Variants in ABCA2 observed in about 807,000 individuals in gnomAD.
ABCA2 encodes ATP-binding cassette sub-family A member 2.
Under a neutral mutation model 262.8 loss-of-function variants are expected in ABCA2, and 84 were observed. The observed-to-expected ratio is 0.32, with a 90% CI of 0.27 to 0.38. The LOEUF (loss-of-function observed/expected upper bound fraction) is 0.38. Among genes scored for constraint, ABCA2 ranks in the 10% least tolerant of loss-of-function variants. ABCA2 has a pLI of 1.00. For synonymous variants in ABCA2, 1,696 were observed against 1,502.9 expected (o/e 1.13, Z -2.97); for missense variants, 2,662 against 3,405.9 (o/e 0.78, Z 5.44).
chr9:137,011,841 C>T lies in ABCA2; in HGVS notation c.5535+3G>A, dbSNP rs200870904. The T allele has an allele frequency of 7.7e-5, 121 of 1,581,156 alleles. No individual in the cohort carries two copies. In the African/African-American group the frequency reaches 1.4e-3, roughly 18 times the overall value. On this transcript the variant is annotated splice_donor_region_variant and intron_variant, in intron 35 of 48. Transcript: ENST00000341511. The surrounding 1 kb of genome is among the most constrained non-coding windows in gnomAD (Gnocchi z 8.8). ...GGGCACCCCATGGCCACGCCGGGCG[C>T]ACCATGTCCCACACGTAGTTCGCCA...
intron 46 of ABCA2, 32 bp from the exon 47 acceptor site, chr9:137,008,900 G>GCCCCCCCCCCCCCCCCCGCCCC (rs59031144): frequency 1.3e-6 from 2 of 1,535,816 alleles, no homozygotes; most frequent in Non-Finnish European, 8.8e-7. Context: ...GCCTGGCAGC[G>GCCCCCCCCCCCCCCCCCGCCCC]CCCCCCCACC....
chr9:137,010,584 C>A, intron 40 of ABCA2, 36 bp downstream of exon 40: 1 of 1,287,014 alleles, frequency 7.8e-7, no homozygotes, highest in Non-Finnish European at 1.1e-6. Context: ...CCTGGCCTAC[C>A]CCACCCAGGC....
At chr9:137,014,529 C>T (rs896874268) in intron 26 of ABCA2, 125 bp from the exon 27 acceptor site, 2 of 1,446,484 alleles carry the variant, frequency 1.4e-6, no homozygotes, top group Non-Finnish European at 1.9e-6. Context: ...CTCTGGCCAC[C>T]AGGACCACCC....
At position 137,020,503 on chromosome 9, in the gene ABCA2, AG is replaced by A; in HGVS notation, c.1266-9del. The A allele has an allele frequency of 6.3e-7, 1 of 1,580,182 alleles. No individual in the cohort carries two copies. The highest frequency in any genetic ancestry group is 8.6e-7 in the Non-Finnish European group (1 of 1,164,134). Reference sequence around the variant, plus strand: ...GCCTCGGGTTCAATGGTGCTGGGGTAGGGGACAGGGGGCCGGGCCAGGCCGT... The same window carrying A: ...GCCTCGGGTTCAATGGTGCTGGGGTAGGGACAGGGGGCCGGGCCAGGCCGT... On this transcript the variant is annotated splice_polypyrimidine_tract_variant and intron_variant, in intron 9 of 48. Transcript: ENST00000341511.
chr9:137,017,760 C>T (rs1831313124), intron 16 of ABCA2, 27 bp downstream of exon 16: 1 of 1,611,168 alleles, frequency 6.2e-7, no homozygotes, highest in African/African-American at 1.3e-5. Context: ...CAGCCCGCGC[C>T]TCCAGGGAGA....
intron 13 of ABCA2, 125 bp downstream of exon 13, chr9:137,018,594 T>A (rs1588520670): frequency 2.1e-6 from 1 of 478,992 alleles, no homozygotes; most frequent in East Asian, 5.8e-5. Flanking sequence ...GGAGGGGAAG[T>A]GGCGGGTGAG....
Position 137,012,534 on chromosome 9 carries a change from G to A in ABCA2, c.5138C>T (p.Thr1713Ile). The stretch of plus-strand genomic sequence containing the variant: ...CTTCCGCACCATGGGTGGGGCCCTG[G>A]TGCCAAATGAGGCTGGGATGGACTT... ...VLKSIPASFG[T>I]RAPPMVRKIA... Residue 1713 changes from threonine to isoleucine, a missense_variant, in exon 32 of 49, where the codon ACC (threonine) becomes ATC (isoleucine). Thr to Ile is a moderately conservative substitution (Grantham distance 89). This residue lies in a region of ABCA2 where 602 missense variants were observed against 897.4 expected (regional missense o/e 0.67). Coordinates refer to ENST00000341511, the MANE Select transcript of ABCA2 (RefSeq NM_001606.5). 1 of 1,612,092 alleles carries A rather than the reference G, an allele frequency of 6.2e-7. No homozygotes were observed. The highest frequency in any genetic ancestry group is 8.5e-7 in the Non-Finnish European group (1 of 1,179,906).
At position 137,012,848 on chromosome 9, in the gene ABCA2, C is replaced by T. The variant is rs763207288; in HGVS notation, c.4945G>A (p.Gly1649Ser). 2.5e-5 allele frequency: 40 copies of T among 1,608,344 alleles called. No homozygotes were observed. Among genetic ancestry groups the T allele is most frequent in the Admixed American group, 1.5e-4 (9 of 59,422 alleles). The change falls in exon 31 of 49, where the codon GGC becomes AGC. Residue 1649 changes from glycine to serine, a missense_variant. Coordinates refer to ENST00000341511, the MANE Select transcript of ABCA2 (RefSeq NM_001606.5). ...VRCTCSAQGT[G>S]FSCPSSVGGH... ...CCCACACTGCTGGGGCAGGAGAAGC[C>T]GGTGCCCTGCGCAGAGCAGGTGCAG...
chr9:137,020,475 A>G lies in ABCA2; in HGVS notation c.1286T>C (p.Leu429Pro), dbSNP rs1422976257. The G allele has an allele frequency of 6.2e-7, 1 of 1,602,880 alleles. No individual in the cohort carries two copies. The highest frequency in any genetic ancestry group is 8.5e-7 in the Non-Finnish European group (1 of 1,174,962). ...CAGGGAGCTCATGTTGCCCCGCCGC[A>G]GCGCCTCGGGTTCAATGGTGCTGGG... is the stretch of plus-strand genomic sequence containing the variant. ...GNNRTIEPEA[L>P]RRGNMSSLGF... The change falls in exon 10 of 49, where the codon CTG (leucine) becomes CCG (proline). Residue 429 changes from leucine to proline, a missense_variant. Coordinates refer to ENST00000341511, the MANE Select transcript of ABCA2 (RefSeq NM_001606.5).
chr9:137,009,332 G>GGCCCCCCCCCCCCCCCC, intron 45 of ABCA2, 38 bp downstream of exon 45: 16 of 980,388 alleles, frequency 1.6e-5, no homozygotes, highest in Middle Eastern at 3.2e-4. Flanking sequence ...CCCCCCCCGG[G>GGCCCCCCCCCCCCCCCC]CCCGCCCCAG....
chr9:137,014,839 G>T, intron 25 of ABCA2, 29 bp from the exon 26 acceptor site: 1 of 1,589,004 alleles, frequency 6.3e-7, no homozygotes, highest in Non-Finnish European at 8.6e-7. Context: ...GGGAGGCTGC[G>T]GCAGGGACGC....
In ABCA2 at chr9:137,016,075, GC is replaced by G. The variant is rs1227720646; in HGVS notation, c.3203del (p.Gly1068AlafsTer40). 6.2e-7 allele frequency: 1 copy of G among 1,612,742 alleles called. No homozygotes were observed. The highest frequency in any genetic ancestry group is 1.3e-5 in the African/African-American group (1 of 74,950). ...TEMDEIRKNLGMCPQHNVLFD... is the reference protein window; with the variant it reads ...TEMDEIRKNLXMCPQHNVLFD... ...AGAGCACATTGTGCTGCGGGCACAT[GC>G]CCAGGTTCTTGCGGATCTCATCCAT... On this transcript the variant is annotated frameshift_variant, in exon 22 of 49. Coordinates refer to ENST00000341511, the MANE Select transcript of ABCA2 (RefSeq NM_001606.5). LOFTEE classifies it high-confidence loss of function.
Position 137,009,358 on chromosome 9 carries a change from GC to G in ABCA2, c.6827+11del. 1 of 947,406 alleles carries G rather than the reference GC, an allele frequency of 1.1e-6. No individual in the cohort carries two copies. Among genetic ancestry groups the G allele is most frequent in the Non-Finnish European group, 1.5e-6 (1 of 672,066 alleles). The allele number at this position is 947,406 out of a possible 1,614,324, so 58.7% of individuals were successfully genotyped here. A position where few individuals can be genotyped will look rare whatever the true frequency, so the allele number is the denominator to read the frequency against. On this transcript the variant is annotated intron_variant, in intron 45 of 48. Transcript: ENST00000341511. The stretch of plus-strand genomic sequence containing the variant: ...CCCGCCCCAGCCCACCCCTGGCCCT[GC>G]CCCGGCTCACCGGTTCTTCAGGTGC...
In ABCA2 at chr9:137,011,785, GCA is replaced by G; in HGVS notation, c.5536-38_5536-37del. The G allele has an allele frequency of 1.3e-6, 2 of 1,543,944 alleles. No homozygotes were observed. Among genetic ancestry groups the G allele is most frequent in the Non-Finnish European group, 1.8e-6 (2 of 1,141,868 alleles). ...GGGGGCGGCTGGTGAGAGACCCGGG[GCA>G]GGGCGGGGATGGGGGATGAGAAGGG... On this transcript the variant is annotated intron_variant, in intron 35 of 48. Transcript: ENST00000341511. The surrounding 1 kb of genome is among the most constrained non-coding windows in gnomAD (Gnocchi z 8.8).
In ABCA2 at chr9:137,022,013, G is replaced by A. The variant is rs746658810; in HGVS notation, c.568-12C>T. The A allele has an allele frequency of 7.0e-6, 11 of 1,568,470 alleles. No homozygotes were observed. Among genetic ancestry groups the A allele is most frequent in the South Asian group, 7.0e-5 (6 of 86,028 alleles). ...AGCAGGTGGTAGACCTAGGAGGTGT[G>A]GGGGAATGGCTCAGATGGGGTGTGG... On this transcript the variant is annotated splice_polypyrimidine_tract_variant and intron_variant, in intron 6 of 48. Coordinates refer to ENST00000341511, the MANE Select transcript of ABCA2 (RefSeq NM_001606.5).
chr9:137,028,717 C>G (rs746114879), upstream of ABCA2: 14 of 1,257,826 alleles, frequency 1.1e-5, no homozygotes, highest in East Asian at 9.2e-4. The surrounding 1 kb of genome is among the most constrained non-coding windows in gnomAD (Gnocchi z 6.9). Context: ...TGGTGCCCAC[C>G]TGGAAGGGAG....
rs751426029 is a variant in ABCA2 at position 137,015,708 on chromosome 9, C to T, written c.3481G>A (p.Ala1161Thr). The change falls in exon 23 of 49, where the codon GCC (alanine) becomes ACC (threonine). Residue 1161 changes from alanine (A) to threonine (T), a missense_variant. This residue lies in a region of ABCA2 where 180 missense variants were observed against 307.3 expected (regional missense o/e 0.59). Transcript: ENST00000341511. ...TAGVDPYARR[A>T]IWDLILKYKP... ...TACTTCAGGATGAGGTCCCAGATGGCGCGGCGCGCGTAGGGGTCCACGCCC... is the reference window on the plus strand; with the variant it reads ...TACTTCAGGATGAGGTCCCAGATGGTGCGGCGCGCGTAGGGGTCCACGCCC... The T allele has an allele frequency of 6.8e-6, 11 of 1,609,868 alleles. No individual in the cohort carries two copies. In the Middle Eastern group the frequency reaches 4.9e-4, roughly 72 times the overall value.
chr9:137,015,280 G>A, intron 24 of ABCA2, 134 bp downstream of exon 24: 1 of 1,248,730 alleles, frequency 8.0e-7, no homozygotes, highest in South Asian at 1.5e-5. Context: ...GTTGCAGAGG[G>A]CGGGCCAGGC....
rs1831080207 is a variant in ABCA2, at chr9:137,012,251, C to T, written c.5299+14G>A. The T allele has an allele frequency of 1.2e-6, 2 of 1,603,618 alleles. No homozygotes were observed. Among genetic ancestry groups the T allele is most frequent in the African/African-American group, 1.3e-5 (1 of 74,692 alleles). On this transcript the variant is annotated intron_variant, in intron 33 of 48. Coordinates refer to ENST00000341511, the MANE Select transcript of ABCA2 (RefSeq NM_001606.5). ...TCCTCCCCGCCCCGCCCCGCCCTGC[C>T]TATGTCAGCTCACCGTAAGCCGCCG...
Sources: gnomAD v4.1 joint callset for allele counts on GRCh38, gnomAD v4.1.1 for gene constraint, gnomAD v4.1.1 regional missense constraint, Gnocchi (gnomAD v3.1) non-coding constraint, MANE v1.5 for transcripts, NCBI Gene and HGNC (gene_info 2026-07-23, HGNC 2026-07-21) for gene names.